The following ARID4B variants were observed in gnomAD, a reference collection of about 807,000 sequenced individuals.
ARID4B encodes the protein AT-rich interactive domain-containing protein 4B.
Under a neutral mutation model 147.5 loss-of-function variants are expected in ARID4B, and 26 were observed. The observed-to-expected ratio is 0.18, with a 90% confidence interval of 0.13 to 0.24. The LOEUF (loss-of-function observed/expected upper bound fraction) is 0.24. Among genes scored for constraint, ARID4B ranks in the 10% least tolerant of loss-of-function variants. ARID4B has a pLI of 1.00. For synonymous variants in ARID4B, 512 were observed against 507.9 expected (o/e 1.01, Z -0.11); for missense variants, 1,179 against 1,511.5 (o/e 0.78, Z 3.65).
intron 19 of ARID4B, among the ~76,000 whole-genome samples, chr1:235,193,217 C>A (rs1447031047): frequency 6.6e-6 from 1 of 152,126 alleles, no homozygotes; most frequent in Admixed American, 6.5e-5. Context: ...GTCAACAGGG[C>A]AAAACCCCGT....
At position 235,182,788 on chromosome 1, in the gene ARID4B, C is replaced by G; in HGVS notation, c.2131G>C (p.Glu711Gln). 3 of 1,573,718 alleles carry G rather than the reference C, an allele frequency of 1.9e-6. No individual in the cohort carries two copies. The highest frequency in any genetic ancestry group is 1.7e-6 in the Non-Finnish European group (2 of 1,165,174). ...TSILNGLQAS[E>Q]SSAEDSEQED... ...TGCTCACTGTCTTCAGCAGAACTTT[C>G]AGAAGCTAGAAAATAACAGAAAAAA... is the stretch of plus-strand genomic sequence containing the variant. Residue 711 changes from glutamate to glutamine, a missense_variant, in exon 20 of 24, where the codon GAA becomes CAA. By Grantham distance (29) the Glu-to-Gln change is conservative. This residue lies in a region of ARID4B where 321 missense variants were observed against 342.4 expected (regional missense o/e 0.94). Transcript: ENST00000264183.
rs191096072 is a variant in ARID4B at position 235,265,259 on chromosome 1, G to C, written c.7-4507C>G. ...CGGGCGCCTGTAATCCCAGCTACTC[G>C]GGAGGCTAAAGCAGGAGAATCACTT... On this transcript the variant is annotated intron_variant, in intron 2 of 23. Coordinates refer to ENST00000264183, the MANE Select transcript of ARID4B (RefSeq NM_016374.6). Among the ~76,000 whole-genome samples, 6 of 151,786 alleles carry C rather than the reference G, an allele frequency of 4.0e-5. No homozygotes were observed. In the East Asian group the frequency reaches 5.8e-4, roughly 15 times the overall value.
At chr1:235,269,238 CT>C (rs1410312964) in intron 2 of ARID4B, among the ~76,000 whole-genome samples, 8 of 152,146 alleles carry the variant, frequency 5.3e-5, no homozygotes, top group African/African-American at 2.4e-5. Context: ...ATGTTAATAA[CT>C]GTAACAGAAC....
rs1675486149 is a variant in ARID4B, at chr1:235,328,160, GA to G, written c.-442del. 6.5e-6 allele frequency: 1 copy of G among 153,018 alleles called. No homozygotes were observed. Among genetic ancestry groups the G allele is most frequent in the Non-Finnish European group, 1.5e-5 (1 of 68,390 alleles). 9.5% of individuals were successfully genotyped at this position (153,018 alleles called of 1,614,324 possible). A position where few individuals can be genotyped will look rare whatever the true frequency, so the allele number is the denominator to read the frequency against. ...TTCGGCGACCGAGCTCCTCACTCCG[GA>G]CTCGACTGACGGGCAAACATCGCTT... On this transcript the variant is annotated 5_prime_UTR_variant, in exon 1 of 24. Transcript: ENST00000264183.
In ARID4B at chr1:235,209,682, G is replaced by T. The variant is rs142521150; in HGVS notation, c.1841+4087C>A. Among the ~76,000 whole-genome samples the T allele has an allele frequency of 1.9e-3, 285 of 150,830 alleles. 1 individual carries two copies. Among genetic ancestry groups the T allele is most frequent in the African/African-American group, 6.6e-3 (270 of 41,068 alleles). ...TGGATCAAGTCATTCTCATGCCTCA[G>T]CCTCCCAAGTAGATCGGATTACAGG... On this transcript the variant is annotated intron_variant, in intron 17 of 23. Coordinates refer to ENST00000264183, the MANE Select transcript of ARID4B (RefSeq NM_016374.6).
At chr1:235,304,493 T>C (rs755005658) in intron 2 of ARID4B, among the ~76,000 whole-genome samples, 2 of 152,248 alleles carry the variant, frequency 1.3e-5, no homozygotes, top group Non-Finnish European at 2.9e-5. Context: ...TAGAAAATCA[T>C]GTTAAACAGA....
At chr1:235,266,942 G>C (rs986932855) in intron 2 of ARID4B, among the ~76,000 whole-genome samples, 8 of 152,294 alleles carry the variant, frequency 5.3e-5, no homozygotes, top group Middle Eastern at 3.4e-3. Flanking sequence ...TGCCAATGTA[G>C]CCAGAAGAAT....
At chr1:235,272,260 A>G (rs1671041227) in intron 2 of ARID4B, among the ~76,000 whole-genome samples, 1 of 152,136 alleles carries the variant, frequency 6.6e-6, no homozygotes, top group Non-Finnish European at 1.5e-5. Context: ...AAATATACCA[A>G]CATTTTGCAA....
At chr1:235,184,016 C>T (rs1571916222) in intron 19 of ARID4B, among the ~76,000 whole-genome samples, 1 of 152,044 alleles carries the variant, frequency 6.6e-6, no homozygotes. Flanking sequence ...TGAGCTCTAG[C>T]AACCTGCCTA....
intron 2 of ARID4B, among the ~76,000 whole-genome samples, chr1:235,305,061 G>A (rs1673448393): frequency 6.6e-6 from 1 of 152,168 alleles, no homozygotes; most frequent in South Asian, 2.1e-4. Flanking sequence ...TTGCTAATTA[G>A]TTGACCTTGA....
intron 23 of ARID4B, among the ~76,000 whole-genome samples, chr1:235,169,443 A>T (rs968177112): frequency 3.3e-5 from 5 of 151,836 alleles, no homozygotes; most frequent in African/African-American, 1.2e-4. Flanking sequence ...GGGTTTCACC[A>T]TGTTAGCCAG....
chr1:235,197,396 T>C (rs962017037), intron 17 of ARID4B, among the ~76,000 whole-genome samples: 6 of 152,196 alleles, frequency 3.9e-5, no homozygotes, highest in African/African-American at 1.2e-4. Context: ...ATAAATTATA[T>C]TCTTACTCTA....
chr1:235,229,264 T>TTCA lies in ARID4B; in HGVS notation c.861_863dup (p.Asp287dup), dbSNP rs1237752231. On this transcript the variant is annotated inframe_insertion, in exon 11 of 24. Coordinates refer to ENST00000264183, the MANE Select transcript of ARID4B (RefSeq NM_016374.6). ...CACTGCTATTATCCTCCTTTTCTTT[T>TTCA]TCATCATCTTCCTCCTCCTCTTCTT... 6.2e-7 allele frequency: 1 copy of TTCA among 1,612,412 alleles called. No homozygotes were observed. The highest frequency in any genetic ancestry group is 8.5e-7 in the Non-Finnish European group (1 of 1,178,870).
At chr1:235,262,961 A>AT (rs1470747054) in intron 2 of ARID4B, among the ~76,000 whole-genome samples, 1 of 152,134 alleles carries the variant, frequency 6.6e-6, no homozygotes, top group Non-Finnish European at 1.5e-5. Context: ...CATCAATTAA[A>AT]TTTTTTTTAA....
chr1:235,266,936 A>G (rs1670645627), intron 2 of ARID4B, among the ~76,000 whole-genome samples: 2 of 152,246 alleles, frequency 1.3e-5, no homozygotes, highest in Admixed American at 6.5e-5. Flanking sequence ...TTACAGTGCC[A>G]ATGTAGCCAG....
chr1:235,230,911 C>CT (rs1668180625), intron 10 of ARID4B, among the ~76,000 whole-genome samples: 3 of 145,604 alleles, frequency 2.1e-5, no homozygotes, highest in African/African-American at 8.1e-5. Context: ...GAGCAAGACT[C>CT]TGTCTCCAAA....
intron 14 of ARID4B, 135 bp from the exon 15 acceptor site, chr1:235,220,680 G>T: frequency 1.3e-6 from 1 of 748,962 alleles, no homozygotes; most frequent in Non-Finnish European, 1.9e-6. Flanking sequence ...ATTTATTCTA[G>T]TTCTTTCTAA....
Position 235,182,117 on chromosome 1 carries a change from C to A in ARID4B, c.2802G>T (p.Gln934His), listed in dbSNP as rs1664355700. ...RKDVWSSIQG[Q>H]WPKKTLKELF... ...GCTCTTTCAGCGTTTTTTTAGGCCA[C>A]TGTCCCTGAATACTTGACCAGACAT... Residue 934 changes from glutamine to histidine, a missense_variant, in exon 20 of 24, where the codon CAG (glutamine) becomes CAT (histidine). By Grantham distance (24) the Gln-to-His change is conservative (BLOSUM62 0). Transcript: ENST00000264183. 1 of 1,614,082 alleles carries A rather than the reference C, an allele frequency of 6.2e-7. No individual in the cohort carries two copies. Among genetic ancestry groups the A allele is most frequent in the South Asian group, 1.1e-5 (1 of 91,088 alleles).
intron 2 of ARID4B, among the ~76,000 whole-genome samples, chr1:235,281,731 A>T (rs1331404253): frequency 2.0e-5 from 3 of 152,160 alleles, no homozygotes; most frequent in African/African-American, 7.2e-5. Flanking sequence ...AACAAAAACA[A>T]AAAACAAAGG....
Sources: gnomAD v4.1 joint callset for allele counts (sites outside exome capture counted in the v4.1 genomes callset) on GRCh38, gnomAD v4.1.1 for gene constraint, gnomAD v4.1.1 regional missense constraint, MANE v1.5 for transcripts, NCBI Gene and HGNC (gene_info 2026-07-23, HGNC 2026-07-21) for gene names.